The following HBS1L variants were observed in gnomAD, a reference collection of about 807,000 sequenced individuals.
The protein encoded by HBS1L is HBS1-like protein.
A neutral mutation model predicts 88.9 loss-of-function variants in HBS1L; 55 were observed. That is an observed-to-expected ratio of 0.62 (90% CI 0.50 to 0.77). The LOEUF (loss-of-function observed/expected upper bound fraction) is 0.77. HBS1L is among the 30% of genes least tolerant of loss of function. The probability of loss-of-function intolerance (pLI) is 0.00; values close to 1 mark genes in which losing one functional copy is unlikely to be tolerated. For synonymous variants in HBS1L, 267 were observed against 288.5 expected, an observed-to-expected ratio of 0.93 and a Z score of 0.76; for missense variants, 741 against 829.3, an observed-to-expected ratio of 0.89 and a Z score of 1.31.
At chr6:135,031,000 T>C (rs548677037) in intron 4 of HBS1L, among the ~76,000 whole-genome samples, 2 of 152,286 alleles carry the variant, frequency 1.3e-5, no homozygotes, top group Admixed American at 6.5e-5. Flanking sequence ...GTCCTTTTCA[T>C]GGTCTACTTA....
Position 134,982,739 on chromosome 6 carries a change from T to G in HBS1L, c.1493-177A>C, listed in dbSNP as rs111240941. The G allele has an allele frequency of 3.2e-3, 1,225 of 388,812 alleles. 9 individuals carry two copies. The highest frequency in any genetic ancestry group is 0.018 in the African/African-American group (851 of 48,182). The allele number at this position is 388,812 out of a possible 1,614,324, so 24.1% of individuals were successfully genotyped here. A position where few individuals can be genotyped will look rare whatever the true frequency, so the allele number is the denominator to read the frequency against. ...ATATGGCATACCACACTTTACTTTT[T>G]TTTTTTGCAAATAAAAATACTCATA... is the stretch of plus-strand genomic sequence containing the variant. On this transcript the variant is annotated intron_variant, in intron 12 of 17. Coordinates refer to ENST00000367837, the MANE Select transcript of HBS1L (RefSeq NM_006620.4).
At chr6:134,978,899 C>CT in intron 14 of HBS1L, 112 bp from the exon 15 acceptor site, 1 of 678,724 alleles carries the variant, frequency 1.5e-6, no homozygotes, top group South Asian at 2.0e-5. Flanking sequence ...AAATTAGGGA[C>CT]TTTTTCTAAA....
chr6:135,002,886 T>A (rs1775502944), intron 4 of HBS1L, 44 bp from the exon 5 acceptor site: 1 of 1,142,500 alleles, frequency 8.8e-7, no homozygotes, highest in Admixed American at 1.8e-5. Flanking sequence ...ATTTCTTTAG[T>A]AATATAAAGA....
chr6:134,972,046 T>C (rs1202444697), intron 15 of HBS1L, among the ~76,000 whole-genome samples: 1 of 152,208 alleles, frequency 6.6e-6, no homozygotes, highest in Non-Finnish European at 1.5e-5. Flanking sequence ...ATTTTGATTT[T>C]AGAGTGTTGT....
rs750241972 is a variant in HBS1L at position 135,002,774 on chromosome 6, C to T, written c.499G>A (p.Val167Ile). 11 of 1,613,076 alleles carry T rather than the reference C, an allele frequency of 6.8e-6. No homozygotes were observed. In the African/African-American group the frequency reaches 9.3e-5, roughly 14 times the overall value. Residue 167 changes from valine (V) to isoleucine (I), a missense_variant, in exon 5 of 18, where the codon GTA becomes ATA. This residue lies in a region of HBS1L where 556 missense variants were observed against 598.4 expected (regional missense o/e 0.93). Transcript: ENST00000367837. ...EIVPKVAKMTVSGKKQTMGFE... is the reference protein window; with the variant it reads ...EIVPKVAKMTISGKKQTMGFE... ...CCCATAGTTTGCTTCTTTCCAGATA[C>T]AGTCATTTTAGCAACTTTTGGCACA...
At chr6:135,037,307 T>A in intron 4 of HBS1L, 1 of 1,551,890 alleles carries the variant, frequency 6.4e-7, no homozygotes, top group Non-Finnish European at 8.7e-7. Flanking sequence ...TTGTTTTCTT[T>A]GTGTTCCTGA....
intron 9 of HBS1L, 127 bp from the exon 10 acceptor site, chr6:134,986,937 A>G (rs1030534227): frequency 2.8e-6 from 1 of 359,164 alleles, no homozygotes; most frequent in African/African-American, 2.1e-5. Context: ...AAATCAAAAC[A>G]TGGAATATCA....
intron 2 of HBS1L, among the ~76,000 whole-genome samples, chr6:135,047,495 C>G (rs985902125): frequency 2.0e-5 from 3 of 152,190 alleles, no homozygotes; most frequent in African/African-American, 7.2e-5. Context: ...GAGCATACCC[C>G]AGTGGGCTTG....
At chr6:135,035,929 A>G (rs905992165) in intron 4 of HBS1L, 1 of 597,976 alleles carries the variant, frequency 1.7e-6, no homozygotes, top group African/African-American at 2.0e-5. Context: ...ATGTATAAAA[A>G]TAATTCACAT....
At chr6:135,034,575 C>T (rs774948187) in intron 4 of HBS1L, among the ~76,000 whole-genome samples, 21 of 152,110 alleles carry the variant, frequency 1.4e-4, no homozygotes, top group East Asian at 1.9e-4. Flanking sequence ...ACCCGAGAGG[C>T]GGAGGTTGCA....
At chr6:135,025,078 T>C (rs576852450) in intron 4 of HBS1L, among the ~76,000 whole-genome samples, 4 of 152,278 alleles carry the variant, frequency 2.6e-5, no homozygotes, top group Admixed American at 1.3e-4. Context: ...ATCTAACAAG[T>C]GCCCTTGGAA....
At chr6:134,995,936 G>C (rs1246174571) in intron 7 of HBS1L, among the ~76,000 whole-genome samples, 1 of 152,052 alleles carries the variant, frequency 6.6e-6, no homozygotes, top group African/African-American at 2.4e-5. Context: ...TTATAATGGA[G>C]ACTATCCAAG....
intron 12 of HBS1L, among the ~76,000 whole-genome samples, chr6:134,984,034 A>G (rs1774909734): frequency 6.6e-6 from 1 of 152,014 alleles, no homozygotes; most frequent in African/African-American, 2.4e-5. Flanking sequence ...TCATTTCATG[A>G]CCTCAGGAGG....
In HBS1L at chr6:135,042,108, G is replaced by A. The variant is rs1294683760; in HGVS notation, c.128C>T (p.Ser43Leu). 2 of 1,612,420 alleles carry A rather than the reference G, an allele frequency of 1.2e-6. No individual in the cohort carries two copies. Among genetic ancestry groups the A allele is most frequent in the South Asian group, 1.1e-5 (1 of 90,916 alleles). The change falls in exon 3 of 18, where the codon TCA (serine) becomes TTA (leucine). Residue 43 changes from serine to leucine, a missense_variant. Ser to Leu is a moderately radical substitution (Grantham distance 145). Transcript: ENST00000367837. ...SPSTAAQFIYSRRDKPSVEPV... is the reference protein window; with the variant it reads ...SPSTAAQFIYLRRDKPSVEPV... ...CTCAACGGAAGGTTTGTCACGCCGT[G>A]AATAAATAAACTGAGCAGCTAGAAT...
intron 4 of HBS1L, among the ~76,000 whole-genome samples, chr6:135,015,963 C>T (rs775755266): frequency 3.4e-4 from 52 of 150,922 alleles, no homozygotes; most frequent in Middle Eastern, 3.4e-3. Flanking sequence ...CAGCTCACTG[C>T]AACCTCCGCC....
intron 4 of HBS1L, among the ~76,000 whole-genome samples, chr6:135,009,771 C>G (rs1053690375): frequency 2.0e-5 from 3 of 151,484 alleles, no homozygotes; most frequent in Admixed American, 2.0e-4. Flanking sequence ...GTAGCTGGGA[C>G]TACAGGTGCC....
chr6:135,030,323 T>C (rs1475090521), intron 4 of HBS1L, among the ~76,000 whole-genome samples: 1 of 152,000 alleles, frequency 6.6e-6, no homozygotes, highest in Non-Finnish European at 1.5e-5. Flanking sequence ...TATGGGTGCA[T>C]ATGAAAGTTC....
In HBS1L at chr6:134,975,276, C is replaced by A. The variant is rs181928968; in HGVS notation, c.1797+3403G>T. Among the ~76,000 whole-genome samples the A allele has an allele frequency of 2.5e-3, 373 of 152,152 alleles. 1 individual carries two copies. Among genetic ancestry groups the A allele is most frequent in the Non-Finnish European group, 4.4e-3 (296 of 67,952 alleles). Reference sequence around the variant, plus strand: ...AAAGAAATCATGGATGACAAATGAACAGAGATACATCCCATGCTCATGAAT... The same window carrying A: ...AAAGAAATCATGGATGACAAATGAAAAGAGATACATCCCATGCTCATGAAT... On this transcript the variant is annotated intron_variant, in intron 15 of 17. Transcript: ENST00000367837.
At chr6:134,968,688 T>C (rs776375847) in intron 16 of HBS1L, among the ~76,000 whole-genome samples, 31 of 151,044 alleles carry the variant, frequency 2.1e-4, no homozygotes, top group South Asian at 1.2e-3. Context: ...TGGACATTAA[T>C]GCTAATCAGC....
Sources: allele counts gnomAD v4.1 joint callset (sites outside exome capture counted in the v4.1 genomes callset), GRCh38; gene constraint gnomAD v4.1.1; regional missense constraint gnomAD v4.1.1; transcripts MANE v1.5; gene names NCBI Gene and HGNC (gene_info 2026-07-23, HGNC 2026-07-21).